The following EDDM13 variants were observed in gnomAD, a reference collection of about 807,000 sequenced individuals.
EDDM13 encodes epididymal protein 13.
EDDM13 carries 24 observed loss-of-function variants against 17.8 expected under a neutral mutation model. The ratio of observed to expected loss-of-function variants is 1.35; its 90% CI spans 0.98 to 1.90. The LOEUF is 1.90. Ranked by LOEUF, EDDM13 falls within the 40% of genes most tolerant of loss-of-function variation. The pLI is 0.00. For missense variants in EDDM13, 97 were observed against 100.8 expected, an observed-to-expected ratio of 0.96 and a Z score of 0.16; for synonymous variants, 31 against 37.5, an observed-to-expected ratio of 0.83 and a Z score of 0.63.
At chr19:56,300,588 G>A (rs917976392) in intron 12 of EDDM13, among the ~76,000 whole-genome samples, 33 of 152,184 alleles carry the variant, frequency 2.2e-4, no homozygotes, top group Admixed American at 1.6e-3. Context: ...ACTTAGCTTT[G>A]AAAAAGATTA....
intron 6 of EDDM13, among the ~76,000 whole-genome samples, chr19:56,287,721 T>C (rs2147124021): frequency 6.6e-6 from 1 of 151,964 alleles, no homozygotes; most frequent in African/African-American, 2.4e-5. Context: ...ATCATCTGAG[T>C]CATTAAACAG....
intron 12 of EDDM13, 41 bp downstream of exon 12, chr19:56,297,572 GTGTGT>G: frequency 5.2e-6 from 5 of 969,510 alleles, no homozygotes; most frequent in Non-Finnish European, 6.1e-6. Context: ...CTATAAGACA[GTGTGT>G]CCCTTCTGTC....
chr19:56,305,978 G>A (rs372118794), intron 14 of EDDM13, among the ~76,000 whole-genome samples: 184 of 151,800 alleles, frequency 1.2e-3, no homozygotes, highest in Middle Eastern at 6.9e-3. Context: ...GGCAGGAGAA[G>A]GGGGAGGGAG....
chr19:56,301,401 GGCGTGTCTCTTAGCCT>G lies in EDDM13; in HGVS notation c.296-564_296-549del, dbSNP rs1236662128. ...TCTGTGAACTGTCATGGTACTGGTG[GGCGTGTCTCTTAGCCT>G]GCTAATGCATTATAATTAGTATATA... On this transcript the variant is annotated intron_variant, in intron 12 of 14. Coordinates refer to ENST00000649256, the MANE Select transcript of EDDM13 (RefSeq NM_001354658.2). Among the ~76,000 whole-genome samples, 3 of 152,036 alleles carry G rather than the reference GGCGTGTCTCTTAGCCT, an allele frequency of 2.0e-5. No individual in the cohort carries two copies. The East Asian group carries it at 5.8e-4, about 29-fold the overall frequency.
At chr19:56,280,899 C>T (rs1391424684) in intron 2 of EDDM13, among the ~76,000 whole-genome samples, 1 of 152,142 alleles carries the variant, frequency 6.6e-6, no homozygotes, top group Non-Finnish European at 1.5e-5. Flanking sequence ...CACACTCAAA[C>T]CATAACACAT....
At chr19:56,307,855 T>C (rs752274620) in intron 14 of EDDM13, among the ~76,000 whole-genome samples, 2 of 152,258 alleles carry the variant, frequency 1.3e-5, no homozygotes, top group Non-Finnish European at 2.9e-5. Context: ...AGCAAACCTT[T>C]GTGGAATTCC....
intron 12 of EDDM13, among the ~76,000 whole-genome samples, chr19:56,299,562 A>T (rs1214774627): frequency 6.6e-6 from 1 of 152,202 alleles, no homozygotes; most frequent in African/African-American, 2.4e-5. Flanking sequence ...GTTGTCCCTC[A>T]GTATCCTCAG....
At chr19:56,299,384 C>T (rs1164017339) in intron 12 of EDDM13, among the ~76,000 whole-genome samples, 5 of 151,750 alleles carry the variant, frequency 3.3e-5, no homozygotes, top group Non-Finnish European at 7.4e-5. Context: ...CCTCCCGCCT[C>T]AGATTCCCAA....
chr19:56,300,297 A>G (rs2040144571), intron 12 of EDDM13, among the ~76,000 whole-genome samples: 1 of 152,240 alleles, frequency 6.6e-6, no homozygotes, highest in South Asian at 2.1e-4. Flanking sequence ...CTCAAGATAA[A>G]CAACAGCTAG....
chr19:56,298,530 G>A (rs183272889), intron 12 of EDDM13, among the ~76,000 whole-genome samples: 12 of 151,984 alleles, frequency 7.9e-5, no homozygotes, highest in African/African-American at 2.2e-4. Flanking sequence ...GCGGGTGCCT[G>A]TAGTCCCAGC....
chr19:56,273,044 C>A, intron 1 of EDDM13, 125 bp downstream of exon 1: 1 of 240,786 alleles, frequency 4.2e-6, no homozygotes, highest in Non-Finnish European at 6.7e-6. Context: ...CCCATTTAGA[C>A]ATTCACATTT....
chr19:56,303,211 G>A lies in EDDM13; in HGVS notation c.423+1116G>A, dbSNP rs148206588. ...AACTACAAGCCAGGCCGGGCACGGT[G>A]GCTCACGCTTGTCATCGCAGCACTG... On this transcript the variant is annotated intron_variant, in intron 13 of 14. Transcript: ENST00000649256. 3.8e-3 allele frequency among the ~76,000 whole-genome samples: 584 copies of A among 152,300 alleles called. 2 individuals carry two copies. Among genetic ancestry groups the A allele is most frequent in the African/African-American group, 0.013 (558 of 41,570 alleles).
chr19:56,276,506 C>T (rs1283928623), intron 2 of EDDM13, among the ~76,000 whole-genome samples: 41 of 139,700 alleles, frequency 2.9e-4, no homozygotes, highest in South Asian at 4.6e-4. Flanking sequence ...CTAAAGAGCT[C>T]TTTTTTTTTT....
At chr19:56,309,781 C>T (rs895874783) in intron 14 of EDDM13, among the ~76,000 whole-genome samples, 2 of 152,180 alleles carry the variant, frequency 1.3e-5, no homozygotes, top group Non-Finnish European at 2.9e-5. Context: ...GGCCCGGCGC[C>T]GGGACAGTGA....
chr19:56,288,128 G>A (rs189530655), intron 6 of EDDM13, among the ~76,000 whole-genome samples: 5 of 152,284 alleles, frequency 3.3e-5, no homozygotes, highest in East Asian at 1.9e-4. Flanking sequence ...CATGGTGTCC[G>A]CTGTTCTTAG....
At chr19:56,284,264 G>A in intron 5 of EDDM13, 58 bp downstream of exon 5, 1 of 812,740 alleles carries the variant, frequency 1.2e-6, no homozygotes, top group Non-Finnish European at 1.5e-6. Context: ...GGGAAATTTT[G>A]GGCTTTGCTC....
intron 11 of EDDM13, among the ~76,000 whole-genome samples, chr19:56,296,615 A>G (rs145774052): frequency 6.6e-6 from 1 of 152,300 alleles, no homozygotes; most frequent in East Asian, 1.9e-4. Flanking sequence ...GAAGTCTGTG[A>G]CCAAGTGAAA....
chr19:56,289,475 C>T (rs976682736), intron 8 of EDDM13, among the ~76,000 whole-genome samples: 6 of 152,142 alleles, frequency 3.9e-5, no homozygotes, highest in East Asian at 1.9e-4. Flanking sequence ...TCGGGTAAGA[C>T]GGAGAGAGAC....
intron 12 of EDDM13, among the ~76,000 whole-genome samples, chr19:56,301,017 A>G (rs2040191943): frequency 6.6e-6 from 1 of 152,168 alleles, no homozygotes; most frequent in Non-Finnish European, 1.5e-5. Context: ...GCAGCCATCA[A>G]GAGCAGAGCC....
Sources: gnomAD v4.1 joint callset for allele counts (sites outside exome capture counted in the v4.1 genomes callset) on GRCh38, gnomAD v4.1.1 for gene constraint, MANE v1.5 for transcripts, NCBI Gene and HGNC (gene_info 2026-07-23, HGNC 2026-07-21) for gene names.